The following CNTNAP5 variants were observed in gnomAD, a reference collection of about 807,000 sequenced individuals.
CNTNAP5 encodes contactin-associated protein-like 5.
In CNTNAP5, 72 loss-of-function variants were observed where a neutral mutation model predicts 150.2. That is an observed-to-expected ratio of 0.48 (90% confidence interval 0.40 to 0.58). The LOEUF is 0.58. Ranked by LOEUF, CNTNAP5 falls within the 20% of genes least tolerant of loss-of-function variation. The probability of loss-of-function intolerance (pLI) is 0.00; values close to 1 mark genes in which losing one functional copy is unlikely to be tolerated. For synonymous variants in CNTNAP5, 672 were observed against 619.8 expected (o/e 1.08, Z -1.25); for missense variants, 1,636 against 1,626.2 (o/e 1.01, Z -0.10).
intron 13 of CNTNAP5, among the ~76,000 whole-genome samples, chr2:124,665,753 G>T (rs955408622): frequency 1.3e-5 from 2 of 152,046 alleles, no homozygotes; most frequent in African/African-American, 4.8e-5. Context: ...GGGCGTGGTG[G>T]CGGGCACCTG....
intron 12 of CNTNAP5, among the ~76,000 whole-genome samples, chr2:124,627,120 G>A (rs912887889): frequency 3.3e-5 from 5 of 152,134 alleles, no homozygotes; most frequent in African/African-American, 4.8e-5. Context: ...AGGGGAAGCC[G>A]TCATCTCAGG....
chr2:124,476,243 T>C (rs1039866582), intron 7 of CNTNAP5, among the ~76,000 whole-genome samples: 1 of 152,190 alleles, frequency 6.6e-6, no homozygotes, highest in Non-Finnish European at 1.5e-5. Context: ...TTTCAAGTGG[T>C]ATTATTTTGC....
At chr2:124,460,662 A>G (rs1190609388) in intron 6 of CNTNAP5, among the ~76,000 whole-genome samples, 2 of 152,172 alleles carry the variant, frequency 1.3e-5, no homozygotes, top group Non-Finnish European at 2.9e-5. Context: ...ATTATAAATG[A>G]TATTAATCTG....
chr2:124,425,162 C>T (rs1362808088), intron 4 of CNTNAP5, among the ~76,000 whole-genome samples: 3 of 152,196 alleles, frequency 2.0e-5, no homozygotes, highest in African/African-American at 7.2e-5. Flanking sequence ...CGTGACTCCC[C>T]TCTGCCTCCT....
chr2:124,780,856 G>C (rs919966845), intron 17 of CNTNAP5, among the ~76,000 whole-genome samples: 1 of 152,164 alleles, frequency 6.6e-6, no homozygotes, highest in African/African-American at 2.4e-5. Context: ...ACCTTCTCTT[G>C]GTCTGGACTG....
Position 124,295,285 on chromosome 2 carries a change from C to G in CNTNAP5, c.381+52892C>G, listed in dbSNP as rs183974807. Reference sequence around the variant, plus strand: ...AACTCTAGTTTTGATCATTTGGGCTCATGTTTGGCAGAGGTGGGAGAGTCG... The same window carrying G: ...AACTCTAGTTTTGATCATTTGGGCTGATGTTTGGCAGAGGTGGGAGAGTCG... On this transcript the variant is annotated intron_variant, in intron 3 of 23. Coordinates refer to ENST00000682447, the MANE Select transcript of CNTNAP5 (RefSeq NM_001367498.1). Among the ~76,000 whole-genome samples the G allele has an allele frequency of 2.9e-4, 25 of 84,756 alleles. No homozygotes were observed. The East Asian group carries it at 7.7e-3, about 26-fold the overall frequency. The allele number at this position is 84,756 out of a possible 152,430, so 55.6% of individuals were successfully genotyped here.
chr2:124,726,690 G>T (rs1279785662), intron 13 of CNTNAP5, among the ~76,000 whole-genome samples: 1 of 151,566 alleles, frequency 6.6e-6, no homozygotes, highest in East Asian at 1.9e-4. Flanking sequence ...TTTATTTATT[G>T]CTATTGAGTT....
chr2:124,569,284 G>C (rs565482009), intron 11 of CNTNAP5, among the ~76,000 whole-genome samples: 1 of 151,984 alleles, frequency 6.6e-6, no homozygotes, highest in Middle Eastern at 3.4e-3. Context: ...CTTGTAAAAC[G>C]TTTTTACATG....
chr2:124,157,825 C>T (rs1490652445), intron 1 of CNTNAP5, among the ~76,000 whole-genome samples: 2 of 152,170 alleles, frequency 1.3e-5, no homozygotes, highest in African/African-American at 2.4e-5. Context: ...CCCAACCTAA[C>T]CTTAACACCA....
chr2:124,810,433 A>C (rs1309716176), intron 19 of CNTNAP5, among the ~76,000 whole-genome samples: 1 of 152,168 alleles, frequency 6.6e-6, no homozygotes, highest in Non-Finnish European at 1.5e-5. Flanking sequence ...CCCCAGATAC[A>C]GTGGAGGGCA....
chr2:124,582,010 A>G (rs868492338), intron 11 of CNTNAP5, among the ~76,000 whole-genome samples: 3 of 152,250 alleles, frequency 2.0e-5, no homozygotes, highest in Non-Finnish European at 4.4e-5. Context: ...TTATTAAAAC[A>G]GATGGTGAAA....
intron 13 of CNTNAP5, among the ~76,000 whole-genome samples, chr2:124,708,156 G>A (rs1373866570): frequency 6.6e-6 from 1 of 152,074 alleles, no homozygotes; most frequent in East Asian, 1.9e-4. Context: ...ATTTATTACT[G>A]CATAAACCAG....
intron 11 of CNTNAP5, among the ~76,000 whole-genome samples, chr2:124,592,587 A>T (rs867764714): frequency 1.3e-5 from 2 of 151,966 alleles, no homozygotes; most frequent in Admixed American, 6.6e-5. Context: ...AATTTTTCAC[A>T]TATCAAATTA....
chr2:124,809,346 A>G (rs970031600), intron 19 of CNTNAP5, among the ~76,000 whole-genome samples: 1 of 152,034 alleles, frequency 6.6e-6, no homozygotes, highest in Non-Finnish European at 1.5e-5. Context: ...TCAGCTAGAT[A>G]GGATAATATA....
chr2:124,588,222 T>C (rs1696599051), intron 11 of CNTNAP5, among the ~76,000 whole-genome samples: 1 of 141,276 alleles, frequency 7.1e-6, no homozygotes, highest in South Asian at 2.2e-4. Context: ...CTTTCTTTCT[T>C]TCTTTCTTTC....
At chr2:124,186,305 G>A (rs1685330782) in intron 1 of CNTNAP5, among the ~76,000 whole-genome samples, 2 of 152,156 alleles carry the variant, frequency 1.3e-5, no homozygotes, top group Admixed American at 6.5e-5. Context: ...AAAAATTACT[G>A]TAAATATGCT....
intron 13 of CNTNAP5, among the ~76,000 whole-genome samples, chr2:124,651,116 T>C (rs1455657325): frequency 6.6e-6 from 1 of 152,240 alleles, no homozygotes; most frequent in Non-Finnish European, 1.5e-5. Context: ...GGTAATGTGA[T>C]AAGTGCAAAG....
intron 12 of CNTNAP5, among the ~76,000 whole-genome samples, chr2:124,627,605 G>A (rs191789484): frequency 1.5e-3 from 234 of 151,000 alleles, no homozygotes; most frequent in African/African-American, 5.4e-3. Context: ...CCATGAAGAT[G>A]AGGAAAAACC....
chr2:124,636,297 G>A (rs73952848), intron 12 of CNTNAP5, among the ~76,000 whole-genome samples: 2,276 of 152,130 alleles, frequency 0.015, 47 homozygotes, highest in African/African-American at 0.046. Flanking sequence ...TGAGGTAATC[G>A]ATGTAAACTG....
Sources: allele counts gnomAD v4.1 joint callset (sites outside exome capture counted in the v4.1 genomes callset), GRCh38; gene constraint gnomAD v4.1.1; transcripts MANE v1.5; gene names NCBI Gene and HGNC (gene_info 2026-07-23, HGNC 2026-07-21).